CMTM4: variants seen among roughly 807,000 people sequenced by gnomAD.
CMTM4 encodes the protein CKLF-like MARVEL transmembrane domain-containing protein 4.
Under a neutral mutation model 19.0 loss-of-function variants are expected in CMTM4, and 8 were observed. That is an observed-to-expected ratio of 0.42 (90% CI 0.25 to 0.76). CMTM4 has a LOEUF of 0.76. Ranked by LOEUF, CMTM4 falls within the 30% of genes least tolerant of loss-of-function variation. CMTM4 has a pLI of 0.27. For missense variants in CMTM4, 228 were observed against 290.2 expected (o/e 0.79, Z 1.56); for synonymous variants, 106 against 121.1 (o/e 0.88, Z 0.82).
rs1170210719 is a variant in CMTM4 at position 66,670,450 on chromosome 16, A to T, written c.186+25890T>A. On this transcript the variant is annotated intron_variant, in intron 1 of 3. Coordinates refer to ENST00000394106, the MANE Select transcript of CMTM4 (RefSeq NM_181521.3). ...GCAAGACTCTGTCTCAAAAAAAAAA[A>T]AAAAAAAAATCGTGCACTTCTCTAT... is the stretch of plus-strand genomic sequence containing the variant. 5.9e-5 allele frequency among the ~76,000 whole-genome samples: 9 copies of T among 151,656 alleles called. No homozygotes were observed. The East Asian group carries it at 1.5e-3, about 26-fold the overall frequency.
intron 1 of CMTM4, among the ~76,000 whole-genome samples, chr16:66,668,268 C>A (rs1303142194): frequency 6.6e-6 from 1 of 152,022 alleles, no homozygotes; most frequent in East Asian, 1.9e-4. Context: ...CTCAGCCCCC[C>A]AGAGTGCTGG....
chr16:66,651,999 C>G (rs1567417092), intron 1 of CMTM4, among the ~76,000 whole-genome samples: 2 of 152,162 alleles, frequency 1.3e-5, no homozygotes, highest in Non-Finnish European at 2.9e-5. Flanking sequence ...CAAGCTAGGA[C>G]CTGAGGGTAG....
At chr16:66,675,562 G>C (rs748716187) in intron 1 of CMTM4, among the ~76,000 whole-genome samples, 4 of 151,072 alleles carry the variant, frequency 2.6e-5, no homozygotes, top group Non-Finnish European at 4.4e-5. Flanking sequence ...GGCTCCCTGC[G>C]ACCTAGCAGT....
downstream of CMTM4, chr16:66,613,309 A>C (rs1049453151): frequency 1.7e-6 from 1 of 598,442 alleles, no homozygotes; most frequent in Non-Finnish European, 3.0e-6. Context: ...TGTTTCAAAG[A>C]AGAGCTCATA....
chr16:66,619,680 A>G lies in CMTM4; in HGVS notation c.*2378T>C. 1 of 985,410 alleles carries G rather than the reference A, an allele frequency of 1.0e-6. No individual in the cohort carries two copies. Among genetic ancestry groups the G allele is most frequent in the Non-Finnish European group, 1.2e-6 (1 of 829,932 alleles). The allele number at this position is 985,410 out of a possible 1,614,324, so 61.0% of individuals were successfully genotyped here. A position where few individuals can be genotyped will look rare whatever the true frequency, so the allele number is the denominator to read the frequency against. ...ACTTTCGTCACCACGTGGTCTATAC[A>G]TGATGACATGTGCAACCACACATTA... On this transcript the variant is annotated 3_prime_UTR_variant, in exon 4 of 4. Transcript: ENST00000394106.
chr16:66,672,787 T>C (rs893857503), intron 1 of CMTM4, among the ~76,000 whole-genome samples: 6 of 146,238 alleles, frequency 4.1e-5, no homozygotes, highest in Non-Finnish European at 9.0e-5. Flanking sequence ...TTTTTTGTTT[T>C]GTTTTTTTTT....
chr16:66,600,136 G>GGTTT, the CMTM4 span, among the ~76,000 whole-genome samples: 7,211 of 133,612 alleles, frequency 0.054, 408 homozygotes, highest in African/African-American at 0.096. Flanking sequence ...GTGTGTGTGT[G>GGTTT]TTTTTTTTTG....
At chr16:66,679,112 A>T (rs2144898083) in intron 1 of CMTM4, among the ~76,000 whole-genome samples, 1 of 152,086 alleles carries the variant, frequency 6.6e-6, no homozygotes, top group East Asian at 1.9e-4. Flanking sequence ...AAAAAAAAAA[A>T]ATTATCCTTT....
downstream of CMTM4, chr16:66,610,783 C>A: frequency 2.5e-6 from 1 of 398,682 alleles, no homozygotes; most frequent in South Asian, 1.3e-4. This position sits in a 1 kb window ranked among gnomAD's most constrained non-coding sequence, Gnocchi z 4.6. Context: ...AGGCCCCACC[C>A]TGTGGTTGGG....
intron 1 of CMTM4, among the ~76,000 whole-genome samples, chr16:66,680,677 G>A (rs2016895960): frequency 1.3e-5 from 2 of 150,388 alleles, no homozygotes; most frequent in Non-Finnish European, 2.9e-5. Context: ...GGAAGGCTGA[G>A]GCAGGAGAAT....
intron 1 of CMTM4, among the ~76,000 whole-genome samples, chr16:66,665,262 T>TAA (rs71145929): frequency 9.9e-4 from 59 of 59,708 alleles, no homozygotes; most frequent in Admixed American, 6.4e-3. Context: ...CCCTGTTTCT[T>TAA]AAAAAAAAAA....
chr16:66,604,808 G>T, the CMTM4 span: 2 of 1,254,756 alleles, frequency 1.6e-6, no homozygotes, highest in Non-Finnish European at 2.0e-6. Context: ...CCGCCGCCAT[G>T]TGGCCCCCAG....
chr16:66,654,724 T>G (rs561976148), intron 1 of CMTM4, among the ~76,000 whole-genome samples: 1 of 152,324 alleles, frequency 6.6e-6, no homozygotes, highest in Admixed American at 6.5e-5. Context: ...GAGCCTCTCT[T>G]TATAAATTGT....
At chr16:66,683,885 C>T (rs1218040425) in intron 1 of CMTM4, among the ~76,000 whole-genome samples, 3 of 151,968 alleles carry the variant, frequency 2.0e-5, no homozygotes, top group Non-Finnish European at 2.9e-5. Flanking sequence ...GAGCCTATTC[C>T]GGTGCAGGAG....
rs1265010408 is a variant in CMTM4 at position 66,619,995 on chromosome 16, CT to C, written c.*2062del. 1 of 985,290 alleles carries C rather than the reference CT, an allele frequency of 1.0e-6. No homozygotes were observed. Among genetic ancestry groups the C allele is most frequent in the Non-Finnish European group, 1.2e-6 (1 of 829,946 alleles). 61.0% of individuals were successfully genotyped at this position (985,290 alleles called of 1,614,324 possible). On this transcript the variant is annotated 3_prime_UTR_variant, in exon 4 of 4. Coordinates refer to ENST00000394106, the MANE Select transcript of CMTM4 (RefSeq NM_181521.3). ...CTCAGGAGGCCAACCACCTGCCCCC[CT>C]CTTTCACCAGATGATCAAGTGGTTT...
At chr16:66,607,170 G>A in the CMTM4 span, among the ~76,000 whole-genome samples, 1 of 152,220 alleles carries the variant, frequency 6.6e-6, no homozygotes, top group East Asian at 1.9e-4. Flanking sequence ...AGGCACTGTG[G>A]AGCCCCAGGC....
chr16:66,652,805 T>A (rs1416488585), intron 1 of CMTM4, among the ~76,000 whole-genome samples: 2 of 152,230 alleles, frequency 1.3e-5, no homozygotes. Flanking sequence ...TTTGATGATA[T>A]AACTGCACAT....
chr16:66,679,979 T>A (rs555036050), intron 1 of CMTM4, among the ~76,000 whole-genome samples: 2 of 152,264 alleles, frequency 1.3e-5, no homozygotes, highest in African/African-American at 4.8e-5. Flanking sequence ...TTGACCCCAA[T>A]AGGCTTCTGT....
intron 1 of CMTM4, among the ~76,000 whole-genome samples, chr16:66,656,773 G>C (rs540014029): frequency 6.6e-6 from 1 of 152,140 alleles, no homozygotes; most frequent in South Asian, 2.1e-4. Context: ...TGCACTGAAA[G>C]GACACATCGT....
Sources: allele counts gnomAD v4.1 joint callset (sites outside exome capture counted in the v4.1 genomes callset), GRCh38; gene constraint gnomAD v4.1.1; non-coding constraint Gnocchi (gnomAD v3.1); transcripts MANE v1.5; gene names NCBI Gene and HGNC (gene_info 2026-07-23, HGNC 2026-07-21).